Variants in WIPF1 observed in about 807,000 individuals in gnomAD.
WIPF1 encodes WAS/WASL-interacting protein family member 1.
Under a neutral mutation model 35.4 loss-of-function variants are expected in WIPF1, and 13 were observed. The ratio of observed to expected loss-of-function variants is 0.37; its 90% CI spans 0.24 to 0.58. WIPF1 has a LOEUF of 0.58. Ranked by LOEUF, WIPF1 falls within the 20% of genes least tolerant of loss-of-function variation. The pLI, the probability that WIPF1 is intolerant of heterozygous loss-of-function variation, is 0.74. For missense variants in WIPF1, 591 were observed against 667.0 expected (o/e 0.89, Z 1.25); for synonymous variants, 267 against 266.3 (o/e 1.00, Z -0.02).
chr2:174,573,110 AACTTTTTTTTGGTACC>A (rs797005562), intron 4 of WIPF1, among the ~76,000 whole-genome samples: 4 of 152,336 alleles, frequency 2.6e-5, no homozygotes, highest in African/African-American at 9.6e-5. Context: ...GCAACTACAC[AACTTTTTTTTGGTACC>A]ACGTCAACCT....
intron 1 of WIPF1, among the ~76,000 whole-genome samples, chr2:174,644,961 G>T (rs1687373819): frequency 6.6e-6 from 1 of 152,090 alleles, no homozygotes; most frequent in South Asian, 2.1e-4. Flanking sequence ...TTGTTGTGTG[G>T]TTTTTTATGT....
intron 1 of WIPF1, among the ~76,000 whole-genome samples, chr2:174,657,910 CAAAAAAAAAAAAA>C (rs56717056): frequency 1.0e-5 from 1 of 96,048 alleles, no homozygotes; most frequent in Non-Finnish European, 2.0e-5. Context: ...AACTCTGTCT[CAAAAAAAAAAAAA>C]AAAAAAAAAA....
At chr2:174,675,977 C>T (rs1688121515) in intron 1 of WIPF1, among the ~76,000 whole-genome samples, 1 of 147,246 alleles carries the variant, frequency 6.8e-6, no homozygotes, top group Non-Finnish European at 1.5e-5. Flanking sequence ...GACAGAGTCT[C>T]ACTCTATCAC....
At chr2:174,577,089 G>A (rs1327524464) in intron 3 of WIPF1, among the ~76,000 whole-genome samples, 2 of 152,058 alleles carry the variant, frequency 1.3e-5, no homozygotes, top group Non-Finnish European at 2.9e-5. Flanking sequence ...CTTTTTGTTA[G>A]GGTTACTTCA....
intron 7 of WIPF1, among the ~76,000 whole-genome samples, chr2:174,564,815 GCACACACA>G (rs10587549): frequency 4.0e-4 from 57 of 143,512 alleles, no homozygotes; most frequent in African/African-American, 4.7e-4. Flanking sequence ...TTCTTCTGGT[GCACACACA>G]CACACACACA....
chr2:174,571,962 C>A lies in WIPF1; in HGVS notation c.843G>T (p.Ala281=), dbSNP rs369696922. Residue 281 remains alanine (A), a synonymous_variant, in exon 5 of 8, where the codon GCG becomes GCT. Coordinates refer to ENST00000679041, the MANE Select transcript of WIPF1 (RefSeq NM_001375834.1). This position sits in a 1 kb window ranked among gnomAD's most constrained non-coding sequence, Gnocchi z 4.6. The part of the protein sequence containing the change: ...VGNRPSIHRE[A]VPPPPPQNNK... ...TGTTCTGAGGAGGAGGAGGGGGAAC[C>A]GCTTCCCTGTGGATGGAGGGCCTGT... 3 of 1,569,294 alleles carry A rather than the reference C, an allele frequency of 1.9e-6. No individual in the cohort carries two copies. Among genetic ancestry groups the A allele is most frequent in the South Asian group, 1.2e-5 (1 of 83,218 alleles).
At chr2:174,660,847 T>C (rs559706557) in intron 1 of WIPF1, among the ~76,000 whole-genome samples, 65 of 152,336 alleles carry the variant, frequency 4.3e-4, no homozygotes, top group African/African-American at 1.5e-3. Flanking sequence ...TCAAGAGGAC[T>C]GAGTGCAATA....
Position 174,575,358 on chromosome 2 carries a change from T to A in WIPF1, c.204A>T (p.Gly68=). 2.5e-6 allele frequency: 4 copies of A among 1,611,994 alleles called. No homozygotes were observed. The highest frequency in any genetic ancestry group is 3.4e-6 in the Non-Finnish European group (4 of 1,179,096). The change falls in exon 4 of 8, where the codon GGA becomes GGT. Residue 68 remains glycine, a synonymous_variant. Transcript: ENST00000679041. ...ILDKPKGAGA[G]GGGGGFGGGG... is the part of the protein sequence containing the mutation. ...CTCCACCAAAGCCACCACCACCGCC[T>A]CCAGCACCAGCTCCTTTAGGTTCTG...
Position 174,590,174 on chromosome 2 carries a change from A to G in WIPF1, c.-38-4563T>C, listed in dbSNP as rs1445276733. Among the ~76,000 whole-genome samples the G allele has an allele frequency of 6.6e-6, 1 of 152,258 alleles. No homozygotes were observed. Among genetic ancestry groups the G allele is most frequent in the Non-Finnish European group, 1.5e-5 (1 of 68,050 alleles). ...AAAGGGAGAACATGAGACCTTGGTC[A>G]GGCAAATTTGGTTCTGAATCCTTGC... On this transcript the variant is annotated intron_variant, in intron 1 of 7. Transcript: ENST00000679041. This position sits in a 1 kb window ranked among gnomAD's most constrained non-coding sequence, Gnocchi z 4.6.
chr2:174,653,600 G>C (rs1264216177), intron 1 of WIPF1, among the ~76,000 whole-genome samples: 1 of 151,852 alleles, frequency 6.6e-6, no homozygotes, highest in Non-Finnish European at 1.5e-5. Context: ...AAATTAGCCG[G>C]GTGTGGTGGC....
upstream of WIPF1, among the ~76,000 whole-genome samples, chr2:174,600,891 T>A (rs2105880739): frequency 6.6e-6 from 1 of 151,278 alleles, no homozygotes; most frequent in African/African-American, 2.4e-5. Flanking sequence ...TTCTTACGAA[T>A]TCTACTACAG....
At chr2:174,641,428 A>G (rs1400456925) in intron 1 of WIPF1, among the ~76,000 whole-genome samples, 1 of 152,158 alleles carries the variant, frequency 6.6e-6, no homozygotes, top group Non-Finnish European at 1.5e-5. Flanking sequence ...CTACTGAGAC[A>G]GATAAATAAG....
rs200428709 is a variant in WIPF1, at chr2:174,677,845, GA to G, written c.-39+4928del. On this transcript the variant is annotated intron_variant, in intron 1 of 8. Coordinates refer to the WIPF1 transcript ENST00000272746. Reference sequence around the variant, plus strand: ...GCAGTTTAGCTGGAACCCAGTATATGAAAAGTAGTGCATAATAAGGCTGATG... The same window carrying G: ...GCAGTTTAGCTGGAACCCAGTATATGAAAGTAGTGCATAATAAGGCTGATG... Among the ~76,000 whole-genome samples, 743 of 152,328 alleles carry G rather than the reference GA, an allele frequency of 4.9e-3. 4 individuals are homozygous for G. The highest frequency in any genetic ancestry group is 0.017 in the Middle Eastern group (5 of 294).
At chr2:174,630,622 C>T (rs924562023) in intron 1 of WIPF1, 1 of 152,140 alleles carries the variant, frequency 6.6e-6, no homozygotes, top group African/African-American at 2.4e-5. Context: ...CACCAACCTT[C>T]TGACTGATGA....
intron 1 of WIPF1, among the ~76,000 whole-genome samples, chr2:174,671,764 G>A (rs778646751): frequency 7.6e-5 from 11 of 145,210 alleles, no homozygotes; most frequent in East Asian, 1.9e-4. Context: ...GGAAATTCCC[G>A]CCTAGTAAAT....
intron 1 of WIPF1, among the ~76,000 whole-genome samples, chr2:174,633,000 C>T (rs1233266150): frequency 6.6e-6 from 1 of 152,198 alleles, no homozygotes; most frequent in Non-Finnish European, 1.5e-5. Context: ...GTGTCTCCTA[C>T]AGGCATTTGT....
At chr2:174,661,203 C>T (rs753169730) in intron 1 of WIPF1, among the ~76,000 whole-genome samples, 1 of 152,232 alleles carries the variant, frequency 6.6e-6, no homozygotes, top group Non-Finnish European at 1.5e-5. Context: ...GCAGCCTGAC[C>T]GGGCAGGCAG....
intron 1 of WIPF1, among the ~76,000 whole-genome samples, chr2:174,627,925 G>A (rs190475408): frequency 1.3e-5 from 2 of 152,228 alleles, no homozygotes; most frequent in Admixed American, 1.3e-4. Flanking sequence ...GTGGCATTTT[G>A]AAGAGGAGCA....
chr2:174,645,117 G>A (rs971071589), intron 1 of WIPF1, among the ~76,000 whole-genome samples: 10 of 152,124 alleles, frequency 6.6e-5, no homozygotes, highest in Non-Finnish European at 7.3e-5. Flanking sequence ...TTTGGACCAC[G>A]AGAAAGTGTG....
Sources: gnomAD v4.1 joint callset for allele counts (sites outside exome capture counted in the v4.1 genomes callset) on GRCh38, gnomAD v4.1.1 for gene constraint, Gnocchi (gnomAD v3.1) non-coding constraint, MANE v1.5 for transcripts, NCBI Gene and HGNC (gene_info 2026-07-23, HGNC 2026-07-21) for gene names.